TAF1: variants seen among roughly 807,000 people sequenced by gnomAD.
TAF1 encodes the protein TATA-box binding protein associated factor 1.
A neutral mutation model predicts 138.5 loss-of-function variants in TAF1; 2 were observed. That is an observed-to-expected ratio of 0.01 (90% CI 0.01 to 0.05). The LOEUF (loss-of-function observed/expected upper bound fraction) is 0.05. TAF1 is among the 10% of genes least tolerant of loss of function. The pLI, the probability that TAF1 is intolerant of heterozygous loss-of-function variation, is 1.00. For missense variants in TAF1, 709 were observed against 1,478.0 expected, an observed-to-expected ratio of 0.48 and a Z score of 8.53; for synonymous variants, 437 against 503.2, an observed-to-expected ratio of 0.87 and a Z score of 1.76.
rs1167670247 is a variant in TAF1, at chrX:71,483,740, A to ATCTC, written c.1366+22975_1366+22978dup. 5.7e-3 allele frequency among the ~76,000 whole-genome samples: 354 copies of ATCTC among 62,361 alleles called. 3 individuals carry two copies. The highest frequency in any genetic ancestry group is 0.012 in the African/African-American group (160 of 13,349). 54.2% of individuals were successfully genotyped at this position (62,361 alleles called of 115,157 possible). On this transcript the variant is annotated intron_variant and NMD_transcript_variant, in intron 13 of 14. Transcript: ENST00000373775. ...TTTTTACACATAATATATTGTGAAC[A>ATCTC]TCTCTCTCTCTCTCTCTCTCTCTCT...
intron 13 of TAF1, among the ~76,000 whole-genome samples, chrX:71,497,144 T>C (rs2039411314): frequency 8.9e-6 from 1 of 112,173 alleles, no homozygotes; most frequent in African/African-American, 3.2e-5. Context: ...AACTATGGCA[T>C]AACCTGCCTT....
At chrX:71,437,834 CTTTTT>C (rs1163295877) in intron 32 of TAF1, among the ~76,000 whole-genome samples, 1 of 93,682 alleles carries the variant, frequency 1.1e-5, no homozygotes. Flanking sequence ...GTCATTTTAA[CTTTTT>C]TTTTTTTTTT....
In TAF1 at chrX:71,439,094, A is replaced by G. The variant is rs780441359; in HGVS notation, c.4753+14856A>G. ...TTTTCCTGATGACTCTATTGTAGAC[A>G]AAGCCACTTGCCAAACATTTCCTCT... On this transcript the variant is annotated intron_variant, in intron 32 of 37. Transcript: ENST00000423759. Among the ~76,000 whole-genome samples the G allele has an allele frequency of 3.6e-5, 4 of 112,177 alleles. No individual in the cohort carries two copies. The East Asian group carries it at 1.1e-3, about 31-fold the overall frequency.
At chrX:71,369,350 A>G (rs2032841668) in intron 3 of TAF1, among the ~76,000 whole-genome samples, 1 of 111,537 alleles carries the variant, frequency 9.0e-6, no homozygotes, top group Non-Finnish European at 1.9e-5. Context: ...CCTCTCTGGT[A>G]TAGGGTGCTA....
At position 71,450,710 on chromosome X, in the gene TAF1, G is replaced by T. The variant is rs1411066271; in HGVS notation, c.4754-3460G>T. The stretch of plus-strand genomic sequence containing the variant: ...TGTACTAGACTATAAACTTCTTGAG[G>T]ATATGACCTATATCTCACTCATTTC... On this transcript the variant is annotated intron_variant, in intron 32 of 37. Transcript: ENST00000423759. 7.1e-5 allele frequency among the ~76,000 whole-genome samples: 8 copies of T among 112,007 alleles called. No individual in the cohort carries two copies. In the East Asian group the frequency reaches 8.3e-4, roughly 12 times the overall value.
At chrX:71,508,318 G>A (rs1415284082) in intron 13 of TAF1, among the ~76,000 whole-genome samples, 4 of 109,808 alleles carry the variant, frequency 3.6e-5, no homozygotes, top group East Asian at 5.7e-4. Context: ...GCCAAGGTGC[G>A]GTGGCTCATG....
At chrX:71,453,075 G>GGGGAGAC (rs1402887901) in intron 32 of TAF1, among the ~76,000 whole-genome samples, 80 of 110,702 alleles carry the variant, frequency 7.2e-4, no homozygotes, top group Middle Eastern at 9.2e-3. Context: ...GGGAGACCGT[G>GGGGAGAC]GGGAGACGGG....
At chrX:71,382,401 G>A in intron 9 of TAF1, 135 bp from the exon 10 acceptor site, 1 of 863,149 alleles carries the variant, frequency 1.2e-6, no homozygotes, top group South Asian at 2.8e-5. Context: ...TTACCTGGGG[G>A]GGGGTGGGAT....
chrX:71,375,093 T>A lies in TAF1; in HGVS notation c.353-74T>A. 5.3e-6 allele frequency: 6 copies of A among 1,121,810 alleles called. No individual in the cohort carries two copies. In the South Asian group the frequency reaches 1.1e-4, roughly 20 times the overall value. The allele number at this position is 1,121,810 out of a possible 1,213,427, so 92.4% of individuals were successfully genotyped here. A position where few individuals can be genotyped will look rare whatever the true frequency, so the allele number is the denominator to read the frequency against. Reference sequence around the variant, plus strand: ...TCTGTCTCAAAAAAAAAAAAAAAATTGAGTGGCAAGGAAGCTTAAGGCGGT... The same window carrying A: ...TCTGTCTCAAAAAAAAAAAAAAAATAGAGTGGCAAGGAAGCTTAAGGCGGT... On this transcript the variant is annotated intron_variant, in intron 3 of 37. Coordinates refer to ENST00000423759, the MANE Select transcript of TAF1 (RefSeq NM_004606.5).
chrX:71,454,359 C>T, intron 33 of TAF1, 122 bp downstream of exon 33: 2 of 580,115 alleles, frequency 3.4e-6, no homozygotes, highest in South Asian at 6.7e-5. Context: ...GTCCCAGCTA[C>T]TCGTCTGAGG....
At chrX:71,426,735 G>C (rs753096255) in intron 32 of TAF1, among the ~76,000 whole-genome samples, 1 of 109,759 alleles carries the variant, frequency 9.1e-6, no homozygotes, top group African/African-American at 3.3e-5. Context: ...AAAACAAAGA[G>C]ACAGTGTTGG....
At chrX:71,513,924 CTG>C (rs2039778266) in intron 13 of TAF1, among the ~76,000 whole-genome samples, 1 of 111,309 alleles carries the variant, frequency 9.0e-6, no homozygotes, top group South Asian at 3.8e-4. Flanking sequence ...AACCAGCACT[CTG>C]TAAAATGGAC....
At chrX:71,383,364 T>C (rs2034013080) in intron 12 of TAF1, among the ~76,000 whole-genome samples, 200 bp downstream of exon 12, 1 of 112,258 alleles carries the variant, frequency 8.9e-6, no homozygotes, top group Non-Finnish European at 1.9e-5. Flanking sequence ...TCAGAATGAC[T>C]GCATCTTTCA....
At chrX:71,426,732 A>C (rs1261848858) in intron 32 of TAF1, among the ~76,000 whole-genome samples, 1 of 110,038 alleles carries the variant, frequency 9.1e-6, no homozygotes, top group Non-Finnish European at 1.9e-5. Context: ...AAAAAAACAA[A>C]GAGACAGTGT....
At chrX:71,386,745 ATGAGTCAC>A (rs1470536545) in intron 14 of TAF1, among the ~76,000 whole-genome samples, 6 of 113,104 alleles carry the variant, frequency 5.3e-5, no homozygotes, top group African/African-American at 1.9e-4. Context: ...GATTACAGGC[ATGAGTCAC>A]TGTGCCCGGC....
At chrX:71,476,869 C>A (rs2038988333) in intron 13 of TAF1, among the ~76,000 whole-genome samples, 1 of 110,516 alleles carries the variant, frequency 9.0e-6, no homozygotes, top group African/African-American at 3.3e-5. Flanking sequence ...GAAATGGGAT[C>A]CCTACCTCGT....
chrX:71,458,840 AG>A (rs768201734), intron 35 of TAF1, among the ~76,000 whole-genome samples: 48 of 111,792 alleles, frequency 4.3e-4, no homozygotes, highest in South Asian at 1.5e-3. Flanking sequence ...AAAACCCAGG[AG>A]GGTTTTTCTA....
downstream of TAF1, among the ~76,000 whole-genome samples, chrX:71,470,631 C>G (rs1291801679): frequency 9.3e-6 from 1 of 107,014 alleles, no homozygotes; most frequent in Non-Finnish European, 1.9e-5. Flanking sequence ...CCCACCTCAG[C>G]CCCCCAAAGT....
chrX:71,400,804 G>T (rs1047230937), intron 24 of TAF1, among the ~76,000 whole-genome samples: 1 of 112,368 alleles, frequency 8.9e-6, no homozygotes, highest in Non-Finnish European at 1.9e-5. Context: ...GCATACTGAG[G>T]TCATTAAGTG....
Sources: allele counts gnomAD v4.1 joint callset (sites outside exome capture counted in the v4.1 genomes callset), GRCh38; gene constraint gnomAD v4.1.1; transcripts MANE v1.5; gene names NCBI Gene and HGNC (gene_info 2026-07-23, HGNC 2026-07-21).